ADAMTS2: variants seen among roughly 807,000 people sequenced by gnomAD.
ADAMTS2 encodes A disintegrin and metalloproteinase with thrombospondin motifs 2.
A neutral mutation model predicts 123.0 loss-of-function variants in ADAMTS2; 50 were observed. The ratio of observed to expected loss-of-function variants is 0.41; its 90% CI spans 0.32 to 0.51. ADAMTS2 has a LOEUF of 0.51. Among genes scored for constraint, ADAMTS2 ranks in the 20% least tolerant of loss-of-function variants. The probability of loss-of-function intolerance (pLI) is 0.35; values close to 1 mark genes in which losing one functional copy is unlikely to be tolerated. For missense variants in ADAMTS2, 1,494 were observed against 1,705.2 expected (o/e 0.88, Z 2.18); for synonymous variants, 678 against 695.4 (o/e 0.98, Z 0.39).
intron 4 of ADAMTS2, among the ~76,000 whole-genome samples, chr5:179,190,557 G>A (rs745768193): frequency 9.9e-5 from 15 of 152,192 alleles, no homozygotes; most frequent in South Asian, 2.1e-4. Flanking sequence ...CTTGGTTGGC[G>A]AGTTTTTGGG....
chr5:179,166,303 C>T (rs1423280937), intron 5 of ADAMTS2, among the ~76,000 whole-genome samples: 3 of 152,188 alleles, frequency 2.0e-5, no homozygotes, highest in Non-Finnish European at 2.9e-5. Context: ...TGTTTGGCTC[C>T]CCTGGCCCGG....
rs1763905766 is a variant in ADAMTS2 at position 179,175,223 on chromosome 5, TG to T, written c.975+5848del. Among the ~76,000 whole-genome samples, 1 of 151,838 alleles carries T rather than the reference TG, an allele frequency of 6.6e-6. No homozygotes were observed. Among genetic ancestry groups the T allele is most frequent in the African/African-American group, 2.4e-5 (1 of 41,310 alleles). On this transcript the variant is annotated intron_variant, in intron 5 of 21. Coordinates refer to ENST00000251582, the MANE Select transcript of ADAMTS2 (RefSeq NM_014244.5). This position sits in a 1 kb window ranked among gnomAD's most constrained non-coding sequence, Gnocchi z 4.1. ...CTTTGGAGGAAGTCTCTTCCTTGCTTGGGTTCCGCAGCTGTCTCAGCCATGC... is the reference window on the plus strand; with the variant it reads ...CTTTGGAGGAAGTCTCTTCCTTGCTTGGTTCCGCAGCTGTCTCAGCCATGC...
At chr5:179,120,101 G>A (rs1043869048) in intron 21 of ADAMTS2, 2 of 152,116 alleles carry the variant, frequency 1.3e-5, no homozygotes, top group African/African-American at 4.8e-5. Flanking sequence ...GCTACTGAGT[G>A]AGGCCCCGCA....
chr5:179,298,435 G>A (rs922347966), intron 2 of ADAMTS2, among the ~76,000 whole-genome samples: 1 of 152,158 alleles, frequency 6.6e-6, no homozygotes, highest in African/African-American at 2.4e-5. Context: ...ACAGCAAGAA[G>A]GCCCCAGCTA....
At chr5:179,237,898 AG>A (rs1765566208) in intron 3 of ADAMTS2, among the ~76,000 whole-genome samples, 1 of 152,186 alleles carries the variant, frequency 6.6e-6, no homozygotes, top group Admixed American at 6.5e-5. Flanking sequence ...GAAGAGTCCC[AG>A]GCAGCCATCG....
chr5:179,131,162 A>C (rs1762954152), intron 15 of ADAMTS2, among the ~76,000 whole-genome samples: 2 of 151,910 alleles, frequency 1.3e-5, no homozygotes, highest in South Asian at 4.2e-4. Context: ...AAATACAAAA[A>C]ATTAGCTGGG....
rs1394262238 is a variant in ADAMTS2, at chr5:179,256,714, C to T, written c.688+16197G>A. Among the ~76,000 whole-genome samples the T allele has an allele frequency of 1.3e-5, 2 of 152,260 alleles. No individual in the cohort carries two copies. The highest frequency in any genetic ancestry group is 1.9e-4 in the East Asian group (1 of 5,194). On this transcript the variant is annotated intron_variant, in intron 3 of 21. Transcript: ENST00000251582. This position sits in a 1 kb window ranked among gnomAD's most constrained non-coding sequence, Gnocchi z 4.1. ...CATCCAGAGGAGGCACAGAGCCTCC[C>T]ACCCAGTGCTGCTGGCAGGAACACG...
intron 2 of ADAMTS2, among the ~76,000 whole-genome samples, chr5:179,313,054 G>C (rs1756875286): frequency 6.6e-6 from 1 of 152,166 alleles, no homozygotes; most frequent in Non-Finnish European, 1.5e-5. Flanking sequence ...GAAGTCAATG[G>C]ACAACATCGA....
intron 3 of ADAMTS2, among the ~76,000 whole-genome samples, chr5:179,230,667 A>G (rs985591391): frequency 2.0e-5 from 3 of 152,136 alleles, no homozygotes; most frequent in African/African-American, 7.2e-5. Flanking sequence ...ATGTACCTAA[A>G]ACATACCACC....
intron 4 of ADAMTS2, among the ~76,000 whole-genome samples, chr5:179,184,509 TAAAAAAAAAAAA>T (rs554713153): frequency 0.16 from 14,623 of 91,412 alleles, 994 homozygotes; most frequent in Non-Finnish European, 0.19. Context: ...AGACTCTGTC[TAAAAAAAAAAAA>T]AAAAAAAAAA....
intron 4 of ADAMTS2, among the ~76,000 whole-genome samples, chr5:179,186,362 C>T (rs761039590): frequency 1.1e-4 from 17 of 152,174 alleles, no homozygotes; most frequent in African/African-American, 3.6e-4. Flanking sequence ...TCTCAGTCCC[C>T]GTAGGTTAAT....
intron 13 of ADAMTS2, among the ~76,000 whole-genome samples, chr5:179,135,130 T>C (rs150411025): frequency 0.067 from 1,034 of 15,522 alleles, 2 homozygotes; most frequent in Middle Eastern, 0.1. Flanking sequence ...CGGCTCCAGC[T>C]CCCAGCTCCC....
Position 179,245,784 on chromosome 5 carries a change from AAAAAAAAAAAAC to A in ADAMTS2, c.688+27115_688+27126del, listed in dbSNP as rs1244576511. On this transcript the variant is annotated intron_variant, in intron 3 of 21. Coordinates refer to ENST00000251582, the MANE Select transcript of ADAMTS2 (RefSeq NM_014244.5). ...CCGTCTCAAAAAAAAAAAAAAAAAA[AAAAAAAAAAAAC>A]AAAAAAAACAAAGATGGGGGTGGAA... is the stretch of plus-strand genomic sequence containing the variant. Among the ~76,000 whole-genome samples the A allele has an allele frequency of 2.4e-4, 33 of 139,256 alleles. 1 individual carries two copies. The highest frequency in any genetic ancestry group is 7.9e-4 in the African/African-American group (31 of 39,170). 91.4% of individuals were successfully genotyped at this position (139,256 alleles called of 152,430 possible). A position where few individuals can be genotyped will look rare whatever the true frequency, so the allele number is the denominator to read the frequency against.
intron 5 of ADAMTS2, among the ~76,000 whole-genome samples, chr5:179,174,789 C>T (rs1039850419): frequency 4.0e-5 from 6 of 151,472 alleles, no homozygotes; most frequent in Non-Finnish European, 7.4e-5. Context: ...CGTTCATGTT[C>T]CTTTGGAGGA....
In ADAMTS2 at chr5:179,260,850, C is replaced by T. The variant is rs941558147; in HGVS notation, c.688+12061G>A. 1.3e-5 allele frequency among the ~76,000 whole-genome samples: 2 copies of T among 152,132 alleles called. No homozygotes were observed. The highest frequency in any genetic ancestry group is 1.9e-4 in the East Asian group (1 of 5,180). Reference sequence around the variant, plus strand: ...CGTTCTTCTTGCTCCCTGCTGTTCCCGCTACTGCTTGGACAGTGGTAGCCC... The same window carrying T: ...CGTTCTTCTTGCTCCCTGCTGTTCCTGCTACTGCTTGGACAGTGGTAGCCC... On this transcript the variant is annotated intron_variant, in intron 3 of 21. Coordinates refer to ENST00000251582, the MANE Select transcript of ADAMTS2 (RefSeq NM_014244.5). The surrounding 1 kb of genome is among the most constrained non-coding windows in gnomAD (Gnocchi z 4.2).
chr5:179,126,056 G>A lies in ADAMTS2; in HGVS notation c.2692C>T (p.Leu898Phe), dbSNP rs755478609. ...CTGCGGATGGCTTTGGGCTTCGAGAGGGCGGCACAGAAGCCACGGTGTACC... is the reference window on the plus strand; with the variant it reads ...CTGCGGATGGCTTTGGGCTTCGAGAAGGCGGCACAGAAGCCACGGTGTACC... ...KMVHRGFCAA[L>F]SKPKAIRRAC... Residue 898 changes from leucine (L) to phenylalanine (F), a missense_variant, in exon 18 of 22, where the codon CTC becomes TTC. By Grantham distance (22) the Leu-to-Phe change is conservative. Coordinates refer to ENST00000251582, the MANE Select transcript of ADAMTS2 (RefSeq NM_014244.5). 18 of 1,613,308 alleles carry A rather than the reference G, an allele frequency of 1.1e-5. No individual in the cohort carries two copies. Among genetic ancestry groups the A allele is most frequent in the Admixed American group, 1.7e-5 (1 of 60,016 alleles).
rs1016271510 is a variant in ADAMTS2, at chr5:179,185,735, C to T, written c.892-4580G>A. Among the ~76,000 whole-genome samples, 6 of 151,966 alleles carry T rather than the reference C, an allele frequency of 3.9e-5. No individual in the cohort carries two copies. The highest frequency in any genetic ancestry group is 6.5e-5 in the Admixed American group (1 of 15,268). On this transcript the variant is annotated intron_variant, in intron 4 of 21. Transcript: ENST00000251582. The surrounding 1 kb of genome is among the most constrained non-coding windows in gnomAD (Gnocchi z 5.9). The stretch of plus-strand genomic sequence containing the variant: ...AGCCCTGGGGTGTCAGGCTGCTAGG[C>T]GTGGGCCCCTGGCTGGGGAGCTCCA...
chr5:179,178,382 C>T (rs968736815), intron 5 of ADAMTS2, among the ~76,000 whole-genome samples: 1 of 152,240 alleles, frequency 6.6e-6, no homozygotes, highest in African/African-American at 2.4e-5. Flanking sequence ...GGATAGAGGG[C>T]TCAGCGAGCC....
intron 3 of ADAMTS2, among the ~76,000 whole-genome samples, chr5:179,209,546 A>G (rs1251224414): frequency 6.7e-6 from 1 of 149,108 alleles, no homozygotes; most frequent in East Asian, 1.9e-4. Context: ...ATGCACACAC[A>G]TGTACACACA....
Sources: gnomAD v4.1 joint callset for allele counts (sites outside exome capture counted in the v4.1 genomes callset) on GRCh38, gnomAD v4.1.1 for gene constraint, Gnocchi (gnomAD v3.1) non-coding constraint, MANE v1.5 for transcripts, NCBI Gene and HGNC (gene_info 2026-07-23, HGNC 2026-07-21) for gene names.